The following TNFAIP8 variants were observed in gnomAD, a reference collection of about 807,000 sequenced individuals.
TNFAIP8 encodes TNF alpha induced protein 8.
In TNFAIP8, 7 loss-of-function variants were observed where a neutral mutation model predicts 13.3. The ratio of observed to expected loss-of-function variants is 0.52; its 90% CI spans 0.30 to 0.99. The LOEUF is 0.99. Ranked by LOEUF, TNFAIP8 falls within the 50% of genes least tolerant of loss-of-function variation. The pLI is 0.07. For synonymous variants in TNFAIP8, 94 were observed against 87.6 expected (o/e 1.07, Z -0.41); for missense variants, 258 against 236.9 (o/e 1.09, Z -0.58).
intron 1 of TNFAIP8, among the ~76,000 whole-genome samples, chr5:119,374,967 G>T (rs1752228927): frequency 6.6e-6 from 1 of 152,166 alleles, no homozygotes. Flanking sequence ...AGTGGTAATA[G>T]TTGCACAACA....
chr5:119,294,336 G>A (rs938814289), intron 1 of TNFAIP8, among the ~76,000 whole-genome samples: 15 of 151,904 alleles, frequency 9.9e-5, no homozygotes, highest in African/African-American at 3.6e-4. Context: ...TGAGAATGAT[G>A]ATTTCCAATT....
At chr5:119,330,620 C>A (rs1187250972) in intron 1 of TNFAIP8, among the ~76,000 whole-genome samples, 1 of 152,090 alleles carries the variant, frequency 6.6e-6, no homozygotes, top group African/African-American at 2.4e-5. Context: ...GCTTTGGAAA[C>A]TGGGATTGCC....
intron 1 of TNFAIP8, among the ~76,000 whole-genome samples, chr5:119,364,841 G>GTTTTTTTTTTTTTTTTT (rs10714712): frequency 1.1e-5 from 1 of 88,710 alleles, no homozygotes; most frequent in African/African-American, 4.7e-5. Flanking sequence ...TTTCTTTTCA[G>GTTTTTTTTTTTTTTTTT]TTTTTTTTTT....
At position 119,369,881 on chromosome 5, in the gene TNFAIP8, A is replaced by G. The variant is rs559339366; in HGVS notation, c.31+13760A>G. 9.8e-4 allele frequency among the ~76,000 whole-genome samples: 149 copies of G among 152,300 alleles called. 3 individuals carry two copies. The South Asian group carries it at 0.021, about 21-fold the overall frequency. On this transcript the variant is annotated intron_variant, in intron 1 of 1. Coordinates refer to ENST00000504771, the MANE Select transcript of TNFAIP8 (RefSeq NM_014350.4). ...GCCTAAAGTCAGAACAGACAGACCCATGGGAGGGACTTAACCAGGTTTGTC... is the reference window on the plus strand; with the variant it reads ...GCCTAAAGTCAGAACAGACAGACCCGTGGGAGGGACTTAACCAGGTTTGTC...
intron 1 of TNFAIP8, among the ~76,000 whole-genome samples, chr5:119,314,435 A>G (rs543561166): frequency 6.6e-6 from 1 of 152,332 alleles, no homozygotes; most frequent in African/African-American, 2.4e-5. Context: ...GCACACACAC[A>G]CAAAAACAGA....
intron 1 of TNFAIP8, among the ~76,000 whole-genome samples, chr5:119,303,966 C>T (rs1749472329): frequency 6.6e-6 from 1 of 152,232 alleles, no homozygotes; most frequent in South Asian, 2.1e-4. Context: ...GCCTTTTCTC[C>T]CTCTGTCTTC....
chr5:119,339,457 G>GTTTTTTTTTTTTTTTT (rs397884992), intron 1 of TNFAIP8, among the ~76,000 whole-genome samples: 1 of 116,214 alleles, frequency 8.6e-6, no homozygotes, highest in Non-Finnish European at 1.8e-5. Context: ...CTCTTGTGGT[G>GTTTTTTTTTTTTTTTT]TTTTTTTTTT....
intron 1 of TNFAIP8, among the ~76,000 whole-genome samples, chr5:119,304,913 A>T (rs1228882923): frequency 6.6e-6 from 1 of 152,252 alleles, no homozygotes; most frequent in African/African-American, 2.4e-5. Flanking sequence ...AAGAATGGTG[A>T]GGTGAAAATT....
rs114073135 is a variant in TNFAIP8, at chr5:119,342,014, T to A, written c.2-50802T>A. Among the ~76,000 whole-genome samples, 590 of 152,010 alleles carry A rather than the reference T, an allele frequency of 3.9e-3. 3 individuals carry two copies. The highest frequency in any genetic ancestry group is 0.014 in the African/African-American group (568 of 41,300). On this transcript the variant is annotated intron_variant, in intron 1 of 1. Transcript: ENST00000274456. ...ACAGCCTTAATTTCTGTATCTCTGT[T>A]TCCTATCTGGGGTGCCCTCTAGTCC...
At chr5:119,369,006 A>G (rs908090967) in intron 1 of TNFAIP8, among the ~76,000 whole-genome samples, 3 of 151,834 alleles carry the variant, frequency 2.0e-5, no homozygotes, top group Non-Finnish European at 2.9e-5. Flanking sequence ...GCTTTTAGGG[A>G]AAAAAAGGGA....
intron 1 of TNFAIP8, among the ~76,000 whole-genome samples, chr5:119,379,914 G>A (rs540647695): frequency 7.9e-5 from 12 of 152,298 alleles, no homozygotes; most frequent in Admixed American, 3.3e-4. Flanking sequence ...TTTTTAGTTC[G>A]AGGAGTTGCT....
At chr5:119,285,122 G>A (rs1561982559) in intron 1 of TNFAIP8, among the ~76,000 whole-genome samples, 1 of 152,076 alleles carries the variant, frequency 6.6e-6, no homozygotes, top group African/African-American at 2.4e-5. Context: ...CCATTATTTG[G>A]TACTAGGTAA....
chr5:119,383,395 G>GC (rs985371854), intron 1 of TNFAIP8, among the ~76,000 whole-genome samples: 2 of 152,070 alleles, frequency 1.3e-5, no homozygotes, highest in African/African-American at 4.8e-5. Context: ...CATAATACTT[G>GC]CCCCCCAACC....
intron 1 of TNFAIP8, among the ~76,000 whole-genome samples, chr5:119,361,152 G>C (rs529337274): frequency 6.6e-6 from 1 of 152,324 alleles, no homozygotes; most frequent in South Asian, 2.1e-4. Flanking sequence ...CTCTTTCTCT[G>C]GAGCACATTG....
intron 1 of TNFAIP8, among the ~76,000 whole-genome samples, chr5:119,392,337 T>C (rs2112868577): frequency 6.6e-6 from 1 of 152,380 alleles, no homozygotes; most frequent in Admixed American, 6.5e-5. Flanking sequence ...ATGAATTTCT[T>C]TTAAATCGCT....
intron 1 of TNFAIP8, among the ~76,000 whole-genome samples, chr5:119,285,469 T>C (rs888772): frequency 0.91 from 137,982 of 152,204 alleles, 62,686 homozygotes; most frequent in East Asian, 0.99. Context: ...GGGTGGGAAG[T>C]CAGGAAGAAC....
chr5:119,353,943 C>T (rs1183050997), upstream of TNFAIP8, among the ~76,000 whole-genome samples: 2 of 152,186 alleles, frequency 1.3e-5, no homozygotes, highest in African/African-American at 2.4e-5. Context: ...GTGTAGCACA[C>T]GGCCCTGGTG....
intron 1 of TNFAIP8, among the ~76,000 whole-genome samples, chr5:119,299,367 G>A (rs1749284460): frequency 6.6e-6 from 1 of 152,186 alleles, no homozygotes; most frequent in South Asian, 2.1e-4. Context: ...TTTGCTAGAG[G>A]TCCACTCCAG....
intron 1 of TNFAIP8, among the ~76,000 whole-genome samples, chr5:119,284,402 C>T (rs78450515): frequency 5.9e-5 from 9 of 152,118 alleles, no homozygotes; most frequent in African/African-American, 9.6e-5. Flanking sequence ...TTTAAAAATC[C>T]CTGATTTAGG....
Sources: gnomAD v4.1 joint callset for allele counts (sites outside exome capture counted in the v4.1 genomes callset) on GRCh38, gnomAD v4.1.1 for gene constraint, MANE v1.5 for transcripts, NCBI Gene and HGNC (gene_info 2026-07-23, HGNC 2026-07-21) for gene names.